The following PDE1C variants were observed in gnomAD, a reference collection of about 807,000 sequenced individuals.
PDE1C encodes dual specificity calcium/calmodulin-dependent 3',5'-cyclic nucleotide phosphodiesterase 1C.
In PDE1C, 62 loss-of-function variants were observed where a neutral mutation model predicts 93.1. That is an observed-to-expected ratio of 0.67 (90% CI 0.54 to 0.82). The LOEUF is 0.82. Ranked by LOEUF, PDE1C falls within the 40% of genes least tolerant of loss-of-function variation. PDE1C has a pLI of 0.00. For synonymous variants in PDE1C, 325 were observed against 310.1 expected, an observed-to-expected ratio of 1.05 and a Z score of -0.50; for missense variants, 742 against 884.6, an observed-to-expected ratio of 0.84 and a Z score of 2.04.
chr7:32,270,226 T>A (rs1435263312), intron 1 of PDE1C, among the ~76,000 whole-genome samples: 1 of 151,994 alleles, frequency 6.6e-6, no homozygotes, highest in Non-Finnish European at 1.5e-5. Context: ...TCTCTCTAGG[T>A]GGTGAAATTT....
intron 1 of PDE1C, among the ~76,000 whole-genome samples, chr7:32,396,519 G>T (rs1159365843): frequency 8.5e-6 from 1 of 117,034 alleles, no homozygotes; most frequent in African/African-American, 3.0e-5. Context: ...GCATATTGAA[G>T]TATGGGGGGG....
At chr7:32,292,588 TAGGAGTCTTA>T (rs1812403740) in intron 1 of PDE1C, among the ~76,000 whole-genome samples, 1 of 152,188 alleles carries the variant, frequency 6.6e-6, no homozygotes, top group Non-Finnish European at 1.5e-5. Context: ...TTTTACAGCT[TAGGAGTCTTA>T]ACATTAGCCA....
chr7:32,349,564 G>A (rs948336206), intron 1 of PDE1C, among the ~76,000 whole-genome samples: 2 of 152,264 alleles, frequency 1.3e-5, no homozygotes, highest in African/African-American at 4.8e-5. Context: ...TTCAAAATGG[G>A]CCTTTATGAC....
At chr7:32,315,386 A>T (rs1273281211) in intron 1 of PDE1C, among the ~76,000 whole-genome samples, 1 of 151,864 alleles carries the variant, frequency 6.6e-6, no homozygotes, top group Non-Finnish European at 1.5e-5. Context: ...AGGAAGGTAG[A>T]GAGGAAAGGA....
chr7:32,116,050 G>T (rs1463819465), intron 3 of PDE1C, among the ~76,000 whole-genome samples: 1 of 152,196 alleles, frequency 6.6e-6, no homozygotes, highest in Admixed American at 6.5e-5. Flanking sequence ...AACAATGAGA[G>T]ACTTTAAAAA....
chr7:31,873,207 T>G, intron 6 of PDE1C, 85 bp downstream of exon 6: 1 of 816,718 alleles, frequency 1.2e-6, no homozygotes, highest in Non-Finnish European at 2.0e-6. Context: ...ATTCCGCATA[T>G]TAAAATAGTC....
intron 11 of PDE1C, among the ~76,000 whole-genome samples, chr7:31,833,623 G>C (rs1002214404): frequency 6.6e-6 from 1 of 152,158 alleles, no homozygotes; most frequent in African/African-American, 2.4e-5. Context: ...TTAGCAAAGA[G>C]ACTGGCAGCA....
At chr7:32,073,760 C>T (rs1461256827), upstream of PDE1C, among the ~76,000 whole-genome samples, 1 of 152,182 alleles carries the variant, frequency 6.6e-6, no homozygotes, top group African/African-American at 2.4e-5. Flanking sequence ...CCAAAGTATG[C>T]TTGATAGTTG....
At chr7:31,616,993 A>G in the PDE1C span, among the ~76,000 whole-genome samples, 174 of 152,256 alleles carry the variant, frequency 1.1e-3, no homozygotes, top group African/African-American at 4.1e-3. Flanking sequence ...CCTGTTGCTT[A>G]TATTCCAAGT....
At chr7:32,224,923 T>G (rs1188178763) in intron 1 of PDE1C, among the ~76,000 whole-genome samples, 1 of 151,684 alleles carries the variant, frequency 6.6e-6, no homozygotes, top group Non-Finnish European at 1.5e-5. Context: ...AACCCAGCTA[T>G]GGTCTCTGGA....
intron 9 of PDE1C, among the ~76,000 whole-genome samples, chr7:31,838,356 CT>C (rs1178121269): frequency 6.6e-6 from 1 of 152,124 alleles, no homozygotes; most frequent in Non-Finnish European, 1.5e-5. Flanking sequence ...GGTATTCCAT[CT>C]TTTTAAAAAT....
chr7:31,870,500 T>C (rs1253626556), intron 6 of PDE1C, among the ~76,000 whole-genome samples: 2 of 151,938 alleles, frequency 1.3e-5, no homozygotes, highest in African/African-American at 4.8e-5. Flanking sequence ...CTGGAAAACT[T>C]AGAGGAAATG....
At chr7:31,679,954 A>G in the PDE1C span, among the ~76,000 whole-genome samples, 229 of 152,342 alleles carry the variant, frequency 1.5e-3, no homozygotes, top group Non-Finnish European at 2.8e-3. Flanking sequence ...AAGCGAGGGA[A>G]GAGGGCAATG....
intron 1 of PDE1C, among the ~76,000 whole-genome samples, chr7:32,339,421 T>C (rs753202432): frequency 6.6e-6 from 1 of 152,184 alleles, no homozygotes; most frequent in Non-Finnish European, 1.5e-5. Flanking sequence ...AAGAGAGCTC[T>C]GGAGACTGAT....
chr7:32,311,790 C>G (rs1348218148), intron 1 of PDE1C, among the ~76,000 whole-genome samples: 1 of 152,140 alleles, frequency 6.6e-6, no homozygotes, highest in African/African-American at 2.4e-5. Flanking sequence ...AAACCCACAG[C>G]CAATATCATA....
At chr7:32,036,941 C>T (rs1437001357) in intron 2 of PDE1C, among the ~76,000 whole-genome samples, 2 of 152,196 alleles carry the variant, frequency 1.3e-5, no homozygotes, top group African/African-American at 2.4e-5. Context: ...TGTGTTTTAA[C>T]AGACCTTGCT....
At chr7:31,804,029 G>A (rs1786455773) in intron 16 of PDE1C, among the ~76,000 whole-genome samples, 1 of 151,772 alleles carries the variant, frequency 6.6e-6, no homozygotes, top group Non-Finnish European at 1.5e-5. Context: ...TTTCTTTATT[G>A]TGGGTAGTGT....
intron 2 of PDE1C, among the ~76,000 whole-genome samples, chr7:32,050,193 C>T (rs1326579482): frequency 6.6e-6 from 1 of 152,156 alleles, no homozygotes; most frequent in Non-Finnish European, 1.5e-5. Context: ...TATGGGACCA[C>T]CTAACTCAAG....
chr7:31,770,701 G>C (rs1050710249), intron 17 of PDE1C, among the ~76,000 whole-genome samples: 4 of 151,932 alleles, frequency 2.6e-5, no homozygotes, highest in African/African-American at 9.7e-5. Flanking sequence ...GTAGAGATGG[G>C]GTTTCACTAT....
Sources: gnomAD v4.1 joint callset for allele counts (sites outside exome capture counted in the v4.1 genomes callset) on GRCh38, gnomAD v4.1.1 for gene constraint, MANE v1.5 for transcripts, NCBI Gene and HGNC (gene_info 2026-07-23, HGNC 2026-07-21) for gene names.